ANO6: variants seen among roughly 807,000 people sequenced by gnomAD.
ANO6 encodes the protein anoctamin 6.
ANO6 carries 106 observed loss-of-function variants against 117.5 expected under a neutral mutation model. That is an observed-to-expected ratio of 0.90 (90% confidence interval 0.77 to 1.06). ANO6 has a LOEUF of 1.06. Among genes scored for constraint, ANO6 ranks in the 50% least tolerant of loss-of-function variants. The probability of loss-of-function intolerance (pLI) is 0.00; values close to 1 mark genes in which losing one functional copy is unlikely to be tolerated. For synonymous variants in ANO6, 367 were observed against 385.1 expected, an observed-to-expected ratio of 0.95 and a Z score of 0.55; for missense variants, 955 against 1,121.1, an observed-to-expected ratio of 0.85 and a Z score of 2.12.
chr12:45,332,230 C>T (rs1940688312), intron 3 of ANO6, among the ~76,000 whole-genome samples: 1 of 151,818 alleles, frequency 6.6e-6, no homozygotes, highest in Admixed American at 6.6e-5. Flanking sequence ...CTTTAGAAAT[C>T]ATTCCTCATC....
At chr12:45,301,819 C>T (rs369549270) in intron 1 of ANO6, among the ~76,000 whole-genome samples, 195 bp from the exon 2 acceptor site, 36 of 152,218 alleles carry the variant, frequency 2.4e-4, no homozygotes, top group South Asian at 1.5e-3. Flanking sequence ...ACCCTGGCAT[C>T]GTCTGGTAGA....
chr12:45,244,651 G>A (rs1267364687), intron 1 of ANO6, among the ~76,000 whole-genome samples: 6 of 152,204 alleles, frequency 3.9e-5, no homozygotes, highest in East Asian at 1.9e-4. Flanking sequence ...GCATGGTGCC[G>A]TAGAAATCCT....
At chr12:45,260,582 G>A (rs1273352938) in intron 1 of ANO6, among the ~76,000 whole-genome samples, 2 of 152,134 alleles carry the variant, frequency 1.3e-5, no homozygotes, top group African/African-American at 2.4e-5. Flanking sequence ...ATAATAATGT[G>A]TTGCATTTTT....
intron 1 of ANO6, among the ~76,000 whole-genome samples, chr12:45,259,105 A>G (rs150878220): frequency 6.6e-6 from 1 of 152,350 alleles, no homozygotes; most frequent in East Asian, 1.9e-4. Flanking sequence ...GGCAGAGAAC[A>G]TGGGGACAAG....
At chr12:45,231,388 CAAA>C (rs1947571857) in intron 1 of ANO6, among the ~76,000 whole-genome samples, 2 of 152,170 alleles carry the variant, frequency 1.3e-5, no homozygotes, top group African/African-American at 4.8e-5. Flanking sequence ...AACCTATAAC[CAAA>C]TGTTAGAACT....
intron 11 of ANO6, among the ~76,000 whole-genome samples, chr12:45,389,857 C>CTT (rs1942395218): frequency 6.6e-6 from 1 of 152,148 alleles, no homozygotes; most frequent in Admixed American, 6.5e-5. Flanking sequence ...GTTAAATACT[C>CTT]TTAAGTATTT....
intron 1 of ANO6, among the ~76,000 whole-genome samples, chr12:45,260,162 C>T (rs1937975974): frequency 6.6e-6 from 1 of 152,144 alleles, no homozygotes; most frequent in Non-Finnish European, 1.5e-5. Context: ...TACATGTTTA[C>T]TGAAAGAAAA....
chr12:45,308,862 C>T (rs1299157559), intron 2 of ANO6, among the ~76,000 whole-genome samples: 1 of 151,922 alleles, frequency 6.6e-6, no homozygotes, highest in Non-Finnish European at 1.5e-5. Context: ...AGAGTTGGGG[C>T]TTTGTAGATG....
intron 1 of ANO6, among the ~76,000 whole-genome samples, chr12:45,256,980 GC>G (rs1438259950): frequency 6.6e-6 from 1 of 151,888 alleles, no homozygotes; most frequent in East Asian, 1.9e-4. Context: ...GCAAATTCTT[GC>G]CCTCATCATG....
chr12:45,312,918 ATTTGTGTGTTT>A (rs1467739677), intron 2 of ANO6, among the ~76,000 whole-genome samples: 1 of 152,050 alleles, frequency 6.6e-6, no homozygotes, highest in Non-Finnish European at 1.5e-5. Flanking sequence ...TTGATTGCAA[ATTTGTGTGTTT>A]TGTAAAATGC....
At chr12:45,292,233 C>G (rs1939126138) in intron 1 of ANO6, among the ~76,000 whole-genome samples, 1 of 152,052 alleles carries the variant, frequency 6.6e-6, no homozygotes, top group Non-Finnish European at 1.5e-5. Flanking sequence ...TATTGTATAA[C>G]TCTATTTATA....
At chr12:45,377,259 A>C (rs983520513) in intron 9 of ANO6, among the ~76,000 whole-genome samples, 2 of 151,970 alleles carry the variant, frequency 1.3e-5, no homozygotes, top group Non-Finnish European at 2.9e-5. Context: ...AGTAATTTTT[A>C]GGAAATGTAA....
intron 1 of ANO6, among the ~76,000 whole-genome samples, chr12:45,221,862 C>T (rs184805154): frequency 1.3e-5 from 2 of 149,482 alleles, no homozygotes; most frequent in East Asian, 4.0e-4. Flanking sequence ...TCAGACCATT[C>T]TCCCTCCCCG....
chr12:45,240,141 T>C (rs192219084), intron 1 of ANO6, among the ~76,000 whole-genome samples: 27 of 152,180 alleles, frequency 1.8e-4, no homozygotes, highest in Non-Finnish European at 3.2e-4. Context: ...TCTTCTGTTA[T>C]TATTGTGTGG....
In ANO6 at chr12:45,321,740, G is replaced by GA. The variant is rs201414596; in HGVS notation, c.151-9547dup. 4.2e-3 allele frequency among the ~76,000 whole-genome samples: 643 copies of GA among 151,840 alleles called. 2 individuals carry two copies. Among genetic ancestry groups the GA allele is most frequent in the East Asian group, 0.016 (81 of 5,142 alleles). On this transcript the variant is annotated intron_variant, in intron 2 of 19. Transcript: ENST00000320560. ...GTCAAGTAAAAATGGTATTCTGTGG[G>GA]AAAAAAAAGGCAGTTTTAATGCACA...
intron 1 of ANO6, among the ~76,000 whole-genome samples, chr12:45,278,308 G>A (rs921230867): frequency 2.6e-5 from 4 of 152,156 alleles, no homozygotes; most frequent in Admixed American, 6.6e-5. Flanking sequence ...GTTTTCAGTC[G>A]TGGGAGAAAG....
chr12:45,384,914 A>C (rs1239264392), intron 10 of ANO6, among the ~76,000 whole-genome samples: 1 of 152,214 alleles, frequency 6.6e-6, no homozygotes, highest in African/African-American at 2.4e-5. Flanking sequence ...ATCAAGGTAC[A>C]TCTGTACAGG....
chr12:45,224,331 T>C (rs1305284254), intron 1 of ANO6, among the ~76,000 whole-genome samples: 1 of 152,194 alleles, frequency 6.6e-6, no homozygotes, highest in African/African-American at 2.4e-5. Context: ...TAAATCTTGA[T>C]ACACCCTGGC....
rs189639825 is a variant in ANO6 at position 45,419,063 on chromosome 12, G to A, written c.2218-2008G>A. On this transcript the variant is annotated intron_variant, in intron 17 of 19. Transcript: ENST00000320560. ...CAGGATGAGAGTGGGCATCAAGCAGGAATTTGGTATAAAATCATTCATTTT... is the reference window on the plus strand; with the variant it reads ...CAGGATGAGAGTGGGCATCAAGCAGAAATTTGGTATAAAATCATTCATTTT... Among the ~76,000 whole-genome samples, 173 of 152,274 alleles carry A rather than the reference G, an allele frequency of 1.1e-3. 1 individual carries two copies. Among genetic ancestry groups the A allele is most frequent in the Middle Eastern group, 6.8e-3 (2 of 294 alleles).
Sources: gnomAD v4.1 joint callset for allele counts (sites outside exome capture counted in the v4.1 genomes callset) on GRCh38, gnomAD v4.1.1 for gene constraint, MANE v1.5 for transcripts, NCBI Gene and HGNC (gene_info 2026-07-23, HGNC 2026-07-21) for gene names.